Variants in SOX5 observed in about 807,000 individuals in gnomAD.
SOX5 encodes SRY-box transcription factor 5.
A neutral mutation model predicts 92.0 loss-of-function variants in SOX5; 9 were observed. The observed-to-expected ratio is 0.10, with a 90% CI of 0.06 to 0.17. SOX5 has a LOEUF of 0.17. Among genes scored for constraint, SOX5 ranks in the 10% least tolerant of loss-of-function variants. The pLI is 1.00. For synonymous variants in SOX5, 344 were observed against 336.3 expected (o/e 1.02, Z -0.25); for missense variants, 642 against 944.5 (o/e 0.68, Z 4.20).
intron 2 of SOX5, among the ~76,000 whole-genome samples, chr12:24,362,503 G>A (rs562344105): frequency 1.2e-4 from 18 of 152,298 alleles, no homozygotes; most frequent in African/African-American, 2.6e-4. Context: ...TTAAGAGGGC[G>A]TGGGGAGAGG....
intron 4 of SOX5, among the ~76,000 whole-genome samples, chr12:24,032,041 G>A (rs1318154974): frequency 2.0e-5 from 3 of 151,868 alleles, no homozygotes; most frequent in African/African-American, 7.2e-5. Context: ...AAGCAACGAT[G>A]AAACCTAAGT....
chr12:24,228,784 G>A (rs1315503068), intron 3 of SOX5, among the ~76,000 whole-genome samples: 1 of 151,992 alleles, frequency 6.6e-6, no homozygotes, highest in African/African-American at 2.4e-5. Context: ...TCAACTCCTC[G>A]GGATTCTGCC....
At chr12:23,581,122 AC>A (rs1373992262) in intron 9 of SOX5, among the ~76,000 whole-genome samples, 1 of 152,056 alleles carries the variant, frequency 6.6e-6, no homozygotes, top group Non-Finnish European at 1.5e-5. Context: ...AATTTAACAA[AC>A]AAAAAGCATT....
intron 7 of SOX5, among the ~76,000 whole-genome samples, chr12:23,652,921 CTAT>C (rs1353628942): frequency 1.3e-5 from 2 of 152,016 alleles, no homozygotes; most frequent in African/African-American, 4.8e-5. Context: ...TAATTATATA[CTAT>C]GTTTTAGGGG....
chr12:24,473,394 C>A (rs550582300), intron 1 of SOX5, among the ~76,000 whole-genome samples: 2 of 152,154 alleles, frequency 1.3e-5, no homozygotes, highest in African/African-American at 4.8e-5. Flanking sequence ...CTCACGGGAG[C>A]GGGTGCAAGC....
In SOX5 at chr12:24,535,256, T is replaced by C. The variant is rs137970479; in HGVS notation, c.-251+27073A>G. Among the ~76,000 whole-genome samples, 466 of 152,336 alleles carry C rather than the reference T, an allele frequency of 3.1e-3. 16 individuals carry two copies. The South Asian group carries it at 0.055, about 18-fold the overall frequency. Reference sequence around the variant, plus strand: ...CCCCTTCTGCAAAATAATACTGTCATAGTTTTCCCGTCTCTCCTCACCCAC... The same window carrying C: ...CCCCTTCTGCAAAATAATACTGTCACAGTTTTCCCGTCTCTCCTCACCCAC... On this transcript the variant is annotated intron_variant, in intron 1 of 4. Transcript: ENST00000446891.
chr12:24,032,039 AT>A (rs1245746868), intron 4 of SOX5, among the ~76,000 whole-genome samples: 1 of 151,954 alleles, frequency 6.6e-6, no homozygotes, highest in Non-Finnish European at 1.5e-5. Context: ...GTAAGCAACG[AT>A]GAAACCTAAG....
chr12:24,455,706 C>A (rs761054850), intron 1 of SOX5, among the ~76,000 whole-genome samples: 1 of 152,100 alleles, frequency 6.6e-6, no homozygotes, highest in African/African-American at 2.4e-5. Context: ...AGTCAATGAC[C>A]CTGAGATGCT....
chr12:23,541,948 G>A (rs1025107259), intron 13 of SOX5, among the ~76,000 whole-genome samples: 1 of 152,104 alleles, frequency 6.6e-6, no homozygotes, highest in Non-Finnish European at 1.5e-5. Flanking sequence ...CTCTCTCTGC[G>A]AAAATACAAA....
intron 2 of SOX5, among the ~76,000 whole-genome samples, chr12:24,366,309 A>C (rs1956164479): frequency 6.6e-6 from 1 of 152,146 alleles, no homozygotes; most frequent in African/African-American, 2.4e-5. Context: ...GAAAATTACA[A>C]AGGTGATTCT....
chr12:24,376,360 G>A (rs1490214024), intron 1 of SOX5, among the ~76,000 whole-genome samples: 2 of 152,138 alleles, frequency 1.3e-5, no homozygotes, highest in African/African-American at 2.4e-5. Context: ...AGGGTATTAC[G>A]TTAATCACAT....
chr12:24,336,657 A>T (rs1472585830), intron 2 of SOX5, among the ~76,000 whole-genome samples: 1 of 152,156 alleles, frequency 6.6e-6, no homozygotes, highest in African/African-American at 2.4e-5. Context: ...CATTACATAA[A>T]CCATCTTGCT....
chr12:24,511,887 T>A (rs889393298), intron 1 of SOX5, among the ~76,000 whole-genome samples: 1 of 150,084 alleles, frequency 6.7e-6, no homozygotes, highest in Admixed American at 6.7e-5. Context: ...GAACCCGGGA[T>A]GTGGATCTTG....
intron 4 of SOX5, among the ~76,000 whole-genome samples, chr12:24,052,915 G>T (rs1231173180): frequency 6.6e-6 from 1 of 152,120 alleles, no homozygotes; most frequent in Non-Finnish European, 1.5e-5. Flanking sequence ...CTTATTACAA[G>T]TTCAGCCATC....
At chr12:23,718,410 T>G (rs923156467) in intron 6 of SOX5, among the ~76,000 whole-genome samples, 1 of 152,186 alleles carries the variant, frequency 6.6e-6, no homozygotes, top group Admixed American at 6.5e-5. Context: ...TCTTAATCTT[T>G]GCATACAGAA....
chr12:23,786,726 A>T lies in SOX5; in HGVS notation c.482-31002T>A, dbSNP rs139548747. ...GAGATACATTTGAAAGCCAAGTATT[A>T]TAACATTTACTGTCTCTGAATTTTT... On this transcript the variant is annotated intron_variant, in intron 3 of 14. Transcript: ENST00000451604. Among the ~76,000 whole-genome samples the T allele has an allele frequency of 8.2e-5, 12 of 145,668 alleles. No homozygotes were observed. The East Asian group carries it at 2.4e-3, about 29-fold the overall frequency.
chr12:23,532,103 T>TATTA lies in SOX5; in HGVS notation c.*2112_*2115dup, dbSNP rs1048479303. ...TCTGGGAACAGCTGACCATTATTATTATTATTACTATTATTATTATTATTT... is the reference window on the plus strand; with the variant it reads ...TCTGGGAACAGCTGACCATTATTATTATTAATTATTACTATTATTATTATTATTT... On this transcript the variant is annotated 3_prime_UTR_variant, in exon 15 of 15. Transcript: ENST00000451604. The TATTA allele has an allele frequency of 2.6e-5, 4 of 151,122 alleles. No individual in the cohort carries two copies. Among genetic ancestry groups the TATTA allele is most frequent in the African/African-American group, 9.7e-5 (4 of 41,222 alleles). 9.4% of individuals were successfully genotyped at this position (151,122 alleles called of 1,614,324 possible).
chr12:24,210,870 T>C (rs1480486576), intron 4 of SOX5, among the ~76,000 whole-genome samples: 1 of 152,220 alleles, frequency 6.6e-6, no homozygotes, highest in Non-Finnish European at 1.5e-5. Context: ...AGATTCTGTC[T>C]ATAAAGGGAC....
intron 11 of SOX5, among the ~76,000 whole-genome samples, chr12:23,547,009 TG>T (rs1300761047): frequency 5.3e-5 from 8 of 152,272 alleles, no homozygotes; most frequent in African/African-American, 1.9e-4. Flanking sequence ...CAATTTGATT[TG>T]GATTGCTAAG....
Sources: allele counts gnomAD v4.1 joint callset (sites outside exome capture counted in the v4.1 genomes callset), GRCh38; gene constraint gnomAD v4.1.1; transcripts MANE v1.5; gene names NCBI Gene and HGNC (gene_info 2026-07-23, HGNC 2026-07-21).